The following NRSN2 variants were observed in gnomAD, a reference collection of about 807,000 sequenced individuals.
NRSN2 encodes neurensin-2.
NRSN2 carries 10 observed loss-of-function variants against 11.1 expected under a neutral mutation model. The ratio of observed to expected loss-of-function variants is 0.90; its 90% CI spans 0.56 to 1.53. The LOEUF is 1.53. NRSN2 is among the 40% of genes most tolerant of loss of function. The pLI, the probability that NRSN2 is intolerant of heterozygous loss-of-function variation, is 0.00. For synonymous variants in NRSN2, 100 were observed against 117.0 expected (o/e 0.86, Z 0.94); for missense variants, 260 against 273.7 (o/e 0.95, Z 0.35).
Position 354,623 on chromosome 20 carries a change from C to A in NRSN2, c.*988C>A, listed in dbSNP as rs1046541. On this transcript the variant is annotated 3_prime_UTR_variant, in exon 5 of 5. Coordinates refer to ENST00000382285, the MANE Select transcript of NRSN2 (RefSeq NM_001323682.2). ...CAGCCCCTCCCTCCCCAGCCGGAGGCGTCATCTCTCTTCTGTACCACTAGA... is the reference window on the plus strand; with the variant it reads ...CAGCCCCTCCCTCCCCAGCCGGAGGAGTCATCTCTCTTCTGTACCACTAGA... The A allele has an allele frequency of 2.0e-5, 3 of 152,334 alleles. No individual in the cohort carries two copies. Among genetic ancestry groups the A allele is most frequent in the African/African-American group, 7.2e-5 (3 of 41,458 alleles). The allele number at this position is 152,334 out of a possible 1,614,324, so 9.4% of individuals were successfully genotyped here. A position where few individuals can be genotyped will look rare whatever the true frequency, so the allele number is the denominator to read the frequency against.
intron 4 of NRSN2, among the ~76,000 whole-genome samples, chr20:350,722 G>A (rs1234990993): frequency 6.8e-6 from 1 of 148,048 alleles, no homozygotes. Flanking sequence ...AGAGACCCAA[G>A]GTCCAAGGTT....
chr20:349,055 T>A (rs1600220607), intron 2 of NRSN2, among the ~76,000 whole-genome samples, 194 bp from the exon 3 acceptor site: 1 of 151,990 alleles, frequency 6.6e-6, no homozygotes, highest in South Asian at 2.1e-4. Context: ...GTGTCAGCCA[T>A]GACAATTACC....
At chr20:353,106 G>T in intron 4 of NRSN2, 104 bp from the exon 5 acceptor site, 2 of 1,015,520 alleles carry the variant, frequency 2.0e-6, no homozygotes, top group Non-Finnish European at 3.0e-6. Context: ...CCTGAGGATG[G>T]ATCAAGGGGT....
At chr20:350,680 AAAAGAAG>A (rs1237976083) in intron 4 of NRSN2, among the ~76,000 whole-genome samples, 188 of 139,098 alleles carry the variant, frequency 1.4e-3, no homozygotes, top group African/African-American at 5.3e-3. Flanking sequence ...AAAAAAAGAA[AAAAGAAG>A]GGAAAATGTT....
chr20:349,606 CCTCCGTCAG>C (rs768299187), intron 3 of NRSN2, 23 bp from the exon 4 acceptor site: 1 of 1,569,226 alleles, frequency 6.4e-7, no homozygotes, highest in South Asian at 1.1e-5. Flanking sequence ...CTAATCCCTC[CCTCCGTCAG>C]CTGCACCTTA....
rs955809386 is a variant in NRSN2, at chr20:353,560, G to A, written c.540G>A (p.Gln180=). ...LSPIFRNASG[Q]SWFSPPASPF... Reference sequence around the variant, plus strand: ...CCATTTTCCGCAATGCCAGTGGCCAGTCATGGTTCTCGCCACCCGCCAGCC... The same window carrying A: ...CCATTTTCCGCAATGCCAGTGGCCAATCATGGTTCTCGCCACCCGCCAGCC... Residue 180 remains glutamine (Q), a synonymous_variant, in exon 5 of 5, where the codon CAG becomes CAA. Transcript: ENST00000382285. 1 of 1,614,078 alleles carries A rather than the reference G, an allele frequency of 6.2e-7. No homozygotes were observed. Among genetic ancestry groups the A allele is most frequent in the African/African-American group, 1.3e-5 (1 of 74,932 alleles).
At chr20:353,159 G>A (rs781505015) in intron 4 of NRSN2, 51 bp from the exon 5 acceptor site, 5 of 1,580,814 alleles carry the variant, frequency 3.2e-6, no homozygotes, top group Non-Finnish European at 3.4e-6. Context: ...CCCTTGGCCA[G>A]GGGCCCCTGG....
intron 2 of NRSN2, chr20:348,057 G>A (rs2013579614): frequency 6.5e-6 from 1 of 152,872 alleles, no homozygotes; most frequent in Non-Finnish European, 1.5e-5. Flanking sequence ...GGGAGGAGCT[G>A]ACCCAGGTCA....
rs563724655 is a variant in NRSN2, at chr20:353,797, T to C, written c.*162T>C. Reference sequence around the variant, plus strand: ...AATCCCAGTGCTCCCTCCCCAGGAGTGGGGCCCCAACTCTTCCAAGATACC... The same window carrying C: ...AATCCCAGTGCTCCCTCCCCAGGAGCGGGGCCCCAACTCTTCCAAGATACC... On this transcript the variant is annotated 3_prime_UTR_variant, in exon 5 of 5. Coordinates refer to ENST00000382285, the MANE Select transcript of NRSN2 (RefSeq NM_001323682.2). 4.0e-6 allele frequency: 3 copies of C among 754,600 alleles called. No homozygotes were observed. Among genetic ancestry groups the C allele is most frequent in the Non-Finnish European group, 6.2e-6 (3 of 484,082 alleles). The allele number at this position is 754,600 out of a possible 1,614,324, so 46.7% of individuals were successfully genotyped here. A position where few individuals can be genotyped will look rare whatever the true frequency, so the allele number is the denominator to read the frequency against.
intron 3 of NRSN2, 32 bp downstream of exon 3, chr20:349,395 A>G (rs1362039637): frequency 7.6e-6 from 3 of 396,992 alleles, no homozygotes; most frequent in Non-Finnish European, 1.4e-5. Flanking sequence ...AAACATGCAC[A>G]TTTATTGACA....
intron 4 of NRSN2, among the ~76,000 whole-genome samples, chr20:350,678 A>G (rs13037176): frequency 9.2e-5 from 7 of 75,744 alleles, no homozygotes; most frequent in Non-Finnish European, 1.8e-4. Flanking sequence ...AAAAAAAAAG[A>G]AAAAAGAAGG....
In NRSN2 at chr20:350,646, CAAAAAAAAAA is replaced by C. The variant is rs56188179; in HGVS notation, c.189+835_189+844del. ...TGGGCGACAGAACAAGACTCTGTCT[CAAAAAAAAAA>C]AAAAAAAAAAAAAAAAAAAAGAAAA... On this transcript the variant is annotated intron_variant, in intron 4 of 4. Coordinates refer to ENST00000382285, the MANE Select transcript of NRSN2 (RefSeq NM_001323682.2). Among the ~76,000 whole-genome samples the C allele has an allele frequency of 2.3e-3, 89 of 39,418 alleles. 2 individuals carry two copies. Among genetic ancestry groups the C allele is most frequent in the African/African-American group, 9.0e-3 (70 of 7,788 alleles). 25.9% of individuals were successfully genotyped at this position (39,418 alleles called of 152,430 possible).
rs778949505 is a variant in NRSN2, at chr20:353,247, G to A, written c.227G>A (p.Gly76Asp). 2.5e-6 allele frequency: 4 copies of A among 1,614,032 alleles called. No individual in the cohort carries two copies. The South Asian group carries it at 4.4e-5, about 18-fold the overall frequency. ...LSSGTLLLLL[G>D]VAALTTGYAV... ...TCGGGGACCCTGCTTCTGCTGCTGGGTGTGGCGGCTCTGACCACTGGCTAT... is the reference window on the plus strand; with the variant it reads ...TCGGGGACCCTGCTTCTGCTGCTGGATGTGGCGGCTCTGACCACTGGCTAT... The change falls in exon 5 of 5, where the codon GGT becomes GAT. Residue 76 changes from glycine to aspartate, a missense_variant. Coordinates refer to ENST00000382285, the MANE Select transcript of NRSN2 (RefSeq NM_001323682.2).
Position 347,500 on chromosome 20 carries a change from G to A in NRSN2, c.-134G>A, listed in dbSNP as rs2013510345. 6.6e-6 allele frequency: 1 copy of A among 152,352 alleles called. No homozygotes were observed. Among genetic ancestry groups the A allele is most frequent in the African/African-American group, 2.4e-5 (1 of 41,446 alleles). 9.4% of individuals were successfully genotyped at this position (152,352 alleles called of 1,614,324 possible). A position where few individuals can be genotyped will look rare whatever the true frequency, so the allele number is the denominator to read the frequency against. On this transcript the variant is annotated 5_prime_UTR_variant, in exon 2 of 5. Transcript: ENST00000382285. This position sits in a 1 kb window ranked among gnomAD's most constrained non-coding sequence, Gnocchi z 7.0. ...CATCGGTGGTCCTGTCAGGAAGAGTGGCGCGGGTGCCGGTGGGGAAGGGAG... is the reference window on the plus strand; with the variant it reads ...CATCGGTGGTCCTGTCAGGAAGAGTAGCGCGGGTGCCGGTGGGGAAGGGAG...
At position 353,553 on chromosome 20, in the gene NRSN2, GT is replaced by G; in HGVS notation, c.534del (p.Ser178ArgfsTer63). 1 of 1,614,200 alleles carries G rather than the reference GT, an allele frequency of 6.2e-7. No homozygotes were observed. The highest frequency in any genetic ancestry group is 8.5e-7 in the Non-Finnish European group (1 of 1,180,034). ...QQLSPIFRNA[S>X]GQSWFSPPAS... is the part of the protein sequence containing the mutation. Reference sequence around the variant, plus strand: ...TTGTCACCCATTTTCCGCAATGCCAGTGGCCAGTCATGGTTCTCGCCACCCG... The same window carrying G: ...TTGTCACCCATTTTCCGCAATGCCAGGGCCAGTCATGGTTCTCGCCACCCG... On this transcript the variant is annotated frameshift_variant, in exon 5 of 5. Coordinates refer to ENST00000382285, the MANE Select transcript of NRSN2 (RefSeq NM_001323682.2). LOFTEE classifies it high-confidence loss of function.
In NRSN2 at chr20:353,544, G is replaced by T; in HGVS notation, c.524G>T (p.Arg175Leu). 4 of 1,614,152 alleles carry T rather than the reference G, an allele frequency of 2.5e-6. No homozygotes were observed. The highest frequency in any genetic ancestry group is 3.4e-6 in the Non-Finnish European group (4 of 1,180,026). Reference sequence around the variant, plus strand: ...GAGCAGCAGTTGTCACCCATTTTCCGCAATGCCAGTGGCCAGTCATGGTTC... The same window carrying T: ...GAGCAGCAGTTGTCACCCATTTTCCTCAATGCCAGTGGCCAGTCATGGTTC... ...EPEQQLSPIF[R>L]NASGQSWFSP... Residue 175 changes from arginine (R) to leucine (L), a missense_variant, in exon 5 of 5, where the codon CGC (arginine) becomes CTC (leucine). Physicochemically the swap from Arg to Leu is moderately radical, Grantham distance 102. Transcript: ENST00000382285.
chr20:348,190 G>A, intron 2 of NRSN2: 1 of 151,546 alleles, frequency 6.6e-6, no homozygotes, highest in Non-Finnish European at 1.5e-5. Context: ...CCAGCGCCTC[G>A]CCGGGGCGGG....
At chr20:351,012 T>G (rs1439355710) in intron 4 of NRSN2, among the ~76,000 whole-genome samples, 1 of 152,194 alleles carries the variant, frequency 6.6e-6, no homozygotes, top group Non-Finnish European at 1.5e-5. Flanking sequence ...GTGGATCACC[T>G]GAGGTCAGGA....
intron 4 of NRSN2, 48 bp from the exon 5 acceptor site, chr20:353,162 G>A: frequency 6.3e-7 from 1 of 1,586,314 alleles, no homozygotes; most frequent in Non-Finnish European, 8.6e-7. Flanking sequence ...TTGGCCAGGG[G>A]CCCCTGGCTG....
Sources: gnomAD v4.1 joint callset for allele counts (sites outside exome capture counted in the v4.1 genomes callset) on GRCh38, gnomAD v4.1.1 for gene constraint, Gnocchi (gnomAD v3.1) non-coding constraint, MANE v1.5 for transcripts, NCBI Gene and HGNC (gene_info 2026-07-23, HGNC 2026-07-21) for gene names.